The following NPAS3 variants were observed in gnomAD, a reference collection of about 807,000 sequenced individuals.
NPAS3 encodes neuronal PAS domain-containing protein 3.
Under a neutral mutation model 73.1 loss-of-function variants are expected in NPAS3, and 14 were observed. The ratio of observed to expected loss-of-function variants is 0.19; its 90% CI spans 0.13 to 0.30. The LOEUF is 0.30. Ranked by LOEUF, NPAS3 falls within the 10% of genes least tolerant of loss-of-function variation. The pLI, the probability that NPAS3 is intolerant of heterozygous loss-of-function variation, is 1.00. For synonymous variants in NPAS3, 620 were observed against 541.5 expected, an observed-to-expected ratio of 1.14 and a Z score of -2.01; for missense variants, 1,096 against 1,250.0, an observed-to-expected ratio of 0.88 and a Z score of 1.86.
At chr14:33,001,104 T>TTG (rs1212449816) in intron 1 of NPAS3, among the ~76,000 whole-genome samples, 13 of 152,102 alleles carry the variant, frequency 8.5e-5, no homozygotes, top group African/African-American at 4.8e-5. Context: ...ATGGGAATCT[T>TTG]TGTGTGTGTG....
intron 4 of NPAS3, among the ~76,000 whole-genome samples, chr14:33,549,901 T>C (rs1246668768): frequency 6.6e-6 from 1 of 152,214 alleles, no homozygotes; most frequent in Admixed American, 6.5e-5. Context: ...AGCACTGAAT[T>C]CATTTCCAGC....
chr14:33,208,839 A>G (rs2139639017), intron 2 of NPAS3, among the ~76,000 whole-genome samples: 1 of 152,266 alleles, frequency 6.6e-6, no homozygotes, highest in East Asian at 1.9e-4. Context: ...GGTTTTATAT[A>G]TTGTGTGAGC....
chr14:33,751,700 T>C (rs2061968159), intron 7 of NPAS3, among the ~76,000 whole-genome samples: 1 of 152,218 alleles, frequency 6.6e-6, no homozygotes, highest in Non-Finnish European at 1.5e-5. Flanking sequence ...TAATTATCTC[T>C]CATTAGAAAA....
chr14:33,746,991 A>G (rs992105940), intron 7 of NPAS3, among the ~76,000 whole-genome samples: 1 of 150,446 alleles, frequency 6.6e-6, no homozygotes, highest in Admixed American at 6.7e-5. Context: ...GAGAATATGC[A>G]GTGTTTGGTT....
At chr14:33,223,377 G>A (rs560589492) in intron 3 of NPAS3, among the ~76,000 whole-genome samples, 3 of 152,114 alleles carry the variant, frequency 2.0e-5, no homozygotes, top group Non-Finnish European at 2.9e-5. Flanking sequence ...ACTGGAGTCC[G>A]TTGAACAAAT....
At chr14:33,196,725 CAATAT>C (rs1331202228) in intron 2 of NPAS3, among the ~76,000 whole-genome samples, 2 of 152,156 alleles carry the variant, frequency 1.3e-5, no homozygotes, top group African/African-American at 2.4e-5. Flanking sequence ...TTGTAGTGTG[CAATAT>C]AATAGACCCA....
rs914588906 is a variant in NPAS3, at chr14:33,012,673, C to G, written c.51-43232C>G. ...AAGCGATTCTCCTGCCTCAGCCTCC[C>G]AAGTAGCTGGGATTACAGGCGCCCG... On this transcript the variant is annotated intron_variant, in intron 1 of 11. Coordinates refer to ENST00000356141, the Ensembl canonical transcript of NPAS3. Among the ~76,000 whole-genome samples, 4 of 151,976 alleles carry G rather than the reference C, an allele frequency of 2.6e-5. No individual in the cohort carries two copies. In the South Asian group the frequency reaches 8.3e-4, roughly 32 times the overall value.
intron 2 of NPAS3, among the ~76,000 whole-genome samples, chr14:33,189,688 A>G (rs1886779): frequency 0.25 from 38,690 of 152,088 alleles, 5,384 homozygotes; most frequent in South Asian, 0.39. Flanking sequence ...TCTGTCATAT[A>G]TGGTCAACTT....
chr14:33,434,253 G>A (rs953774084), intron 4 of NPAS3, among the ~76,000 whole-genome samples: 2 of 151,534 alleles, frequency 1.3e-5, no homozygotes, highest in African/African-American at 4.8e-5. Flanking sequence ...TTGGCCAGGT[G>A]TGGTGGCTCA....
intron 4 of NPAS3, among the ~76,000 whole-genome samples, chr14:33,389,474 A>T: frequency 6.6e-6 from 1 of 152,212 alleles, no homozygotes; most frequent in East Asian, 1.9e-4. Flanking sequence ...ATTATGTTCA[A>T]CCTCCTAAGT....
intron 3 of NPAS3, among the ~76,000 whole-genome samples, chr14:33,329,325 A>C (rs999170970): frequency 6.6e-6 from 1 of 152,154 alleles, no homozygotes; most frequent in African/African-American, 2.4e-5. Flanking sequence ...TACCAGCATG[A>C]CTTGGGGTAG....
chr14:33,347,421 A>G (rs968530665), intron 3 of NPAS3, among the ~76,000 whole-genome samples: 2 of 152,272 alleles, frequency 1.3e-5, no homozygotes, highest in Admixed American at 1.3e-4. Flanking sequence ...CAAGAAAATT[A>G]TGAACAAAAT....
chr14:33,774,632 C>G, intron 8 of NPAS3, 102 bp downstream of exon 8: 1 of 920,244 alleles, frequency 1.1e-6, no homozygotes, highest in South Asian at 1.6e-5. Flanking sequence ...GAGGTTCATT[C>G]TAAATCCTGA....
At chr14:33,532,162 C>T (rs1381184530) in intron 4 of NPAS3, among the ~76,000 whole-genome samples, 1 of 152,148 alleles carries the variant, frequency 6.6e-6, no homozygotes, top group Non-Finnish European at 1.5e-5. Context: ...TCACACCAAA[C>T]AATCCAGGCT....
In NPAS3 at chr14:33,345,031, C is replaced by T. The variant is rs2140324012; in HGVS notation, c.386-22155C>T. On this transcript the variant is annotated intron_variant, in intron 3 of 11. Coordinates refer to ENST00000356141, the Ensembl canonical transcript of NPAS3. ...GTAGAAGGAAATTGCTTGCAAGCTC[C>T]GGTCTACAACCTCCTTTTTATTCCT... 1.3e-5 allele frequency among the ~76,000 whole-genome samples: 2 copies of T among 152,300 alleles called. 1 individual carries two copies. Among genetic ancestry groups the T allele is most frequent in the South Asian group, 4.1e-4 (2 of 4,826 alleles).
intron 3 of NPAS3, among the ~76,000 whole-genome samples, chr14:33,331,080 C>T (rs983167444): frequency 3.9e-5 from 6 of 152,164 alleles, no homozygotes; most frequent in Admixed American, 6.5e-5. Flanking sequence ...CAGTGAGCTG[C>T]GATTTATAAT....
At chr14:33,251,947 C>T (rs1024107111) in intron 3 of NPAS3, among the ~76,000 whole-genome samples, 2 of 151,970 alleles carry the variant, frequency 1.3e-5, no homozygotes, top group South Asian at 4.2e-4. Context: ...CGTTGCAATT[C>T]GTTGTCTACG....
At chr14:33,125,747 A>G (rs952499332) in intron 2 of NPAS3, among the ~76,000 whole-genome samples, 1 of 152,160 alleles carries the variant, frequency 6.6e-6, no homozygotes, top group African/African-American at 2.4e-5. Flanking sequence ...GGGAACAACT[A>G]GAAGTAGGAG....
chr14:33,342,809 G>T (rs867082562), intron 3 of NPAS3, among the ~76,000 whole-genome samples: 5 of 151,926 alleles, frequency 3.3e-5, no homozygotes, highest in Admixed American at 2.0e-4. Context: ...GCAGTTTAAT[G>T]AATTATTTTT....
Sources: allele counts gnomAD v4.1 joint callset (sites outside exome capture counted in the v4.1 genomes callset), GRCh38; gene constraint gnomAD v4.1.1; transcripts MANE v1.5; gene names NCBI Gene and HGNC (gene_info 2026-07-23, HGNC 2026-07-21).